Variants in GIGYF1 observed in about 807,000 individuals in gnomAD.
GIGYF1 encodes GRB10 interacting GYF protein 1, also known as GRB10-interacting GYF protein 1.
Under a neutral mutation model 147.1 loss-of-function variants are expected in GIGYF1, and 84 were observed. The ratio of observed to expected loss-of-function variants is 0.57; its 90% CI spans 0.48 to 0.68. The LOEUF (loss-of-function observed/expected upper bound fraction) is 0.68. Among genes scored for constraint, GIGYF1 ranks in the 30% least tolerant of loss-of-function variants. GIGYF1 has a pLI of 0.00. For synonymous variants in GIGYF1, 752 were observed against 589.5 expected, an observed-to-expected ratio of 1.28 and a Z score of -3.99; for missense variants, 1,485 against 1,393.7, an observed-to-expected ratio of 1.07 and a Z score of -1.04.
intron 5 of GIGYF1, 22 bp downstream of exon 5, chr7:100,687,958 AC>A (rs1234231960): frequency 1.9e-6 from 3 of 1,607,566 alleles, no homozygotes; most frequent in Admixed American, 1.7e-5. Flanking sequence ...ACCACCGCCA[AC>A]CCCCCTCGCC....
chr7:100,685,932 G>A (rs1805279883), intron 12 of GIGYF1, 42 bp downstream of exon 12: 2 of 1,548,650 alleles, frequency 1.3e-6, no homozygotes, highest in South Asian at 1.1e-5. Context: ...ACCAGTGCCT[G>A]CCCGGCCCAG....
Position 100,686,769 on chromosome 7 carries a change from G to A in GIGYF1, c.574C>T (p.Arg192Cys), listed in dbSNP as rs754929045. The change falls in exon 10 of 27, where the codon CGC becomes TGC. Residue 192 changes from arginine (R) to cysteine (C), a missense_variant. Transcript: ENST00000678049. Reference sequence around the variant, plus strand: ...GAGCGCCAGTTCTCGCTGTCTGAGCGGGCGTGCTCCTTCCTTGGGCCAGCC... The same window carrying A: ...GAGCGCCAGTTCTCGCTGTCTGAGCAGGCGTGCTCCTTCCTTGGGCCAGCC... ...GGAGPRKEHA[R>C]SDSENWRSLR... 7.4e-6 allele frequency: 12 copies of A among 1,613,904 alleles called. No homozygotes were observed. The highest frequency in any genetic ancestry group is 2.7e-5 in the African/African-American group (2 of 74,922).
chr7:100,682,814 G>C lies in GIGYF1; in HGVS notation c.2413-37C>G, dbSNP rs748362930. Reference sequence around the variant, plus strand: ...AGAAGATCAGAGTGGCTCAAACAAAGGCACCCCAGAAAAGCGGATGGGGAG... The same window carrying C: ...AGAAGATCAGAGTGGCTCAAACAAACGCACCCCAGAAAAGCGGATGGGGAG... On this transcript the variant is annotated intron_variant, in intron 22 of 26. Coordinates refer to ENST00000678049, the MANE Select transcript of GIGYF1 (RefSeq NM_001375765.1). 3 of 1,507,952 alleles carry C rather than the reference G, an allele frequency of 2.0e-6. No individual in the cohort carries two copies. In the African/African-American group the frequency reaches 4.2e-5, roughly 21 times the overall value. 93.4% of individuals were successfully genotyped at this position (1,507,952 alleles called of 1,614,324 possible).
Position 100,681,713 on chromosome 7 carries a change from G to A in GIGYF1, c.*6C>T, listed in dbSNP as rs376852672. 3 of 1,555,364 alleles carry A rather than the reference G, an allele frequency of 1.9e-6. No homozygotes were observed. Among genetic ancestry groups the A allele is most frequent in the African/African-American group, 2.7e-5 (2 of 73,440 alleles). On this transcript the variant is annotated 3_prime_UTR_variant, in exon 27 of 27. Coordinates refer to ENST00000678049, the MANE Select transcript of GIGYF1 (RefSeq NM_001375765.1). ...CTACAGCCCAGGGGCTGGGGGTCCG[G>A]GCTGGTCAGTAGTCATCCACGCTCT...
At position 100,686,817 on chromosome 7, in the gene GIGYF1, G is replaced by C; in HGVS notation, c.526C>G (p.Arg176Gly). 2 of 1,613,718 alleles carry C rather than the reference G, an allele frequency of 1.2e-6. No homozygotes were observed. The highest frequency in any genetic ancestry group is 1.7e-6 in the Non-Finnish European group (2 of 1,179,862). The change falls in exon 10 of 27, where the codon CGA (arginine) becomes GGA (glycine). Residue 176 changes from arginine (R) to glycine (G), a missense_variant and splice_region_variant. Arg to Gly is a moderately radical substitution (Grantham distance 125, BLOSUM62 -2). Transcript: ENST00000678049. Reference sequence around the variant, plus strand: ...GCCCCTCCCTCCTCAAAGCCACATCGTGCTGGGAGACGGGAAGACAGGGGC... The same window carrying C: ...GCCCCTCCCTCCTCAAAGCCACATCCTGCTGGGAGACGGGAAGACAGGGGC... ...FEKSARRDGA[R>G]CGFEEGGAGP... is the part of the protein sequence containing the mutation.
chr7:100,686,925 T>C, intron 9 of GIGYF1, 81 bp downstream of exon 9: 3 of 1,604,522 alleles, frequency 1.9e-6, no homozygotes, highest in Non-Finnish European at 2.6e-6. Context: ...CCCCAACACC[T>C]CCGAAATAAG....
rs1445436777 is a variant in GIGYF1, at chr7:100,684,122, G to A, written c.1766C>T (p.Ala589Val). The change falls in exon 18 of 27, where the codon GCA becomes GTA. Residue 589 changes from alanine to valine, a missense_variant. By Grantham distance (64) the Ala-to-Val change is moderately conservative (BLOSUM62 0). Transcript: ENST00000678049. ...QLPQCALREK[A>V]ALGDLTPPPP... ...TGGCGGTGTCAGGTCCCCCAGAGCT[G>A]CCTTTTCTCGGAGCGCGCACTGTGG... is the stretch of plus-strand genomic sequence containing the variant. The A allele has an allele frequency of 6.2e-7, 1 of 1,608,624 alleles. No homozygotes were observed. The highest frequency in any genetic ancestry group is 8.5e-7 in the Non-Finnish European group (1 of 1,179,734).
rs1804766519 is a variant in GIGYF1, at chr7:100,681,565, G to T, written c.*154C>A. 4 of 512,944 alleles carry T rather than the reference G, an allele frequency of 7.8e-6. No homozygotes were observed. The highest frequency in any genetic ancestry group is 1.3e-5 in the Non-Finnish European group (4 of 305,466). 31.8% of individuals were successfully genotyped at this position (512,944 alleles called of 1,614,324 possible). A position where few individuals can be genotyped will look rare whatever the true frequency, so the allele number is the denominator to read the frequency against. ...GTCTGTAAAGTGCCTCGTGGTGGGTGAGTTAAGGTGCATCGTGTGTTTGTA... is the reference window on the plus strand; with the variant it reads ...GTCTGTAAAGTGCCTCGTGGTGGGTTAGTTAAGGTGCATCGTGTGTTTGTA... On this transcript the variant is annotated 3_prime_UTR_variant, in exon 27 of 27. Transcript: ENST00000678049.
rs763699846 is a variant in GIGYF1, at chr7:100,683,975, TC to T, written c.1868+44del. 2.5e-3 allele frequency: 2,040 copies of T among 819,082 alleles called. 18 individuals are homozygous for T. Among genetic ancestry groups the T allele is most frequent in the South Asian group, 0.013 (900 of 71,910 alleles). The allele number at this position is 819,082 out of a possible 1,614,324, so 50.7% of individuals were successfully genotyped here. ...CAAATCCATCTCTGGTCTGCCCCCA[TC>T]CCCCCCCCACCCTGTATCCTGAGGG... On this transcript the variant is annotated intron_variant, in intron 18 of 26. Transcript: ENST00000678049.
At chr7:100,691,738 G>A (rs1051994980) in intron 1 of GIGYF1, among the ~76,000 whole-genome samples, 14 of 151,754 alleles carry the variant, frequency 9.2e-5, no homozygotes, top group Non-Finnish European at 1.5e-4. Context: ...GGCCTACTTC[G>A]GCTCCTCGCC....
chr7:100,687,174 G>C, intron 8 of GIGYF1, 124 bp downstream of exon 8: 3 of 1,468,240 alleles, frequency 2.0e-6, no homozygotes, highest in South Asian at 2.3e-5. Context: ...GAAACCAGGG[G>C]TCAGGAGCAC....
At chr7:100,682,566 G>A (rs781473689) in intron 23 of GIGYF1, 24 bp downstream of exon 23, 16 of 1,590,424 alleles carry the variant, frequency 1.0e-5, no homozygotes, top group Admixed American at 8.6e-5. Flanking sequence ...GGGCCATCCC[G>A]GAGCCTCCAG....
Position 100,683,295 on chromosome 7 carries a change from AG to A in GIGYF1, c.2193+8del, listed in dbSNP as rs1191365622. 1.9e-6 allele frequency: 3 copies of A among 1,613,642 alleles called. No homozygotes were observed. Among genetic ancestry groups the A allele is most frequent in the Non-Finnish European group, 2.5e-6 (3 of 1,179,914 alleles). On this transcript the variant is annotated splice_region_variant and intron_variant, in intron 21 of 26. Coordinates refer to ENST00000678049, the MANE Select transcript of GIGYF1 (RefSeq NM_001375765.1). ...TCCACCCAGCCAGCTGAGGCTTGGGAGCACCCACGTGCTTGCGCCGAAACAG... is the reference window on the plus strand; with the variant it reads ...TCCACCCAGCCAGCTGAGGCTTGGGACACCCACGTGCTTGCGCCGAAACAG...
At position 100,687,365 on chromosome 7, in the gene GIGYF1, C is replaced by T. The variant is rs1440155839; in HGVS notation, c.415G>A (p.Glu139Lys). 3 of 1,613,374 alleles carry T rather than the reference C, an allele frequency of 1.9e-6. No homozygotes were observed. The highest frequency in any genetic ancestry group is 1.3e-5 in the African/African-American group (1 of 74,922). The change falls in exon 8 of 27, where the codon GAA (glutamate) becomes AAA (lysine). Residue 139 changes from glutamate to lysine, a missense_variant. Coordinates refer to ENST00000678049, the MANE Select transcript of GIGYF1 (RefSeq NM_001375765.1). ...CGTCCAAAGGCCCCATCGCCTTCTT[C>T]GATGCTTCTTTGGTAAAAGCAGCTG... Reference protein sequence around the residue: ...GDSCFYQRSIEEGDGAFGRSP... With the variant: ...GDSCFYQRSIKEGDGAFGRSP...
intron 8 of GIGYF1, 41 bp from the exon 9 acceptor site, chr7:100,687,087 T>TC: frequency 2.5e-6 from 4 of 1,612,876 alleles, no homozygotes; most frequent in Non-Finnish European, 3.4e-6. Context: ...CAGTACAGCC[T>TC]CCCCTGCCAC....
At position 100,688,417 on chromosome 7, in the gene GIGYF1, G is replaced by A. The variant is rs539078133; in HGVS notation, c.-70+34C>T. On this transcript the variant is annotated intron_variant, in intron 3 of 26. Transcript: ENST00000678049. ...GGGCACAACAATGGGCCCCGGACTA[G>A]CTGGTGGGTCACCTGGGGTCTAAAA... is the stretch of plus-strand genomic sequence containing the variant. The A allele has an allele frequency of 5.9e-5, 42 of 707,952 alleles. No homozygotes were observed. The South Asian group carries it at 6.0e-4, about 10-fold the overall frequency. 43.9% of individuals were successfully genotyped at this position (707,952 alleles called of 1,614,324 possible). A position where few individuals can be genotyped will look rare whatever the true frequency, so the allele number is the denominator to read the frequency against.
chr7:100,691,873 C>A (rs1022938945), intron 1 of GIGYF1, among the ~76,000 whole-genome samples: 3 of 152,250 alleles, frequency 2.0e-5, no homozygotes, highest in African/African-American at 7.2e-5. Context: ...CCCGGGTGCT[C>A]CAGTAGGCGC....
At chr7:100,686,599 A>G (rs1388132328) in intron 10 of GIGYF1, 50 bp downstream of exon 10, 6 of 1,562,410 alleles carry the variant, frequency 3.8e-6, no homozygotes, top group Non-Finnish European at 4.3e-6. Context: ...CTCTCATTAC[A>G]GTTCCTGCTC....
chr7:100,686,311 A>G lies in GIGYF1; in HGVS notation c.817T>C (p.Ser273Pro). The change falls in exon 11 of 27, where the codon TCT becomes CCT. Residue 273 changes from serine to proline, a missense_variant. Ser to Pro is a moderately conservative substitution (Grantham distance 74). Transcript: ENST00000678049. ...GGCGCTCGGCACCGCCGCAGGTGAG[A>G]GCTGCCTCCCCCTCCCCGCCCCTCC... ...EEEGRGGGGS[S>P]HLRRCRAPEG... 6.2e-7 allele frequency: 1 copy of G among 1,613,842 alleles called. No individual in the cohort carries two copies. Among genetic ancestry groups the G allele is most frequent in the Non-Finnish European group, 8.5e-7 (1 of 1,179,950 alleles).
Sources: gnomAD v4.1 joint callset for allele counts (sites outside exome capture counted in the v4.1 genomes callset) on GRCh38, gnomAD v4.1.1 for gene constraint, MANE v1.5 for transcripts, NCBI Gene and HGNC (gene_info 2026-07-23, HGNC 2026-07-21) for gene names.